Variants in B3GLCT observed in about 807,000 individuals in gnomAD.
B3GLCT encodes beta 3-glucosyltransferase, also known as beta-1,3-glucosyltransferase.
Under a neutral mutation model 63.4 loss-of-function variants are expected in B3GLCT, and 65 were observed. The observed-to-expected ratio is 1.03, with a 90% CI of 0.84 to 1.26. The LOEUF is 1.26. Among genes scored for constraint, B3GLCT ranks in the 50% most tolerant of loss-of-function variants. B3GLCT has a pLI of 0.00. For synonymous variants in B3GLCT, 233 were observed against 219.2 expected (o/e 1.06, Z -0.55); for missense variants, 577 against 604.8 (o/e 0.95, Z 0.48).
chr13:31,282,613 G>A (rs939727553), intron 10 of B3GLCT, among the ~76,000 whole-genome samples: 1 of 145,802 alleles, frequency 6.9e-6, no homozygotes, highest in African/African-American at 2.5e-5. Flanking sequence ...CTGCACTCCA[G>A]CCTGGGCAAC....
chr13:31,317,014 G>A (rs971332193), intron 12 of B3GLCT, among the ~76,000 whole-genome samples: 10 of 152,212 alleles, frequency 6.6e-5, no homozygotes, highest in Admixed American at 2.0e-4. Flanking sequence ...TGAGGGAAAC[G>A]AGCATGGTTG....
chr13:31,250,532 G>A (rs1207504834), intron 6 of B3GLCT, among the ~76,000 whole-genome samples: 2 of 152,214 alleles, frequency 1.3e-5, no homozygotes, highest in African/African-American at 4.8e-5. Flanking sequence ...ATTCTGAGGG[G>A]CGTCCGCCAT....
chr13:31,323,737 C>T lies in B3GLCT; in HGVS notation c.1185-14C>T, dbSNP rs1233224080. 12 of 1,613,972 alleles carry T rather than the reference C, an allele frequency of 7.4e-6. No individual in the cohort carries two copies. Among genetic ancestry groups the T allele is most frequent in the African/African-American group, 2.7e-5 (2 of 74,926 alleles). ...AGCTTCTCTAACCCCTTTCTCTGCTCTGGCTCCCACTAGAATGGTCTTCAG... is the reference window on the plus strand; with the variant it reads ...AGCTTCTCTAACCCCTTTCTCTGCTTTGGCTCCCACTAGAATGGTCTTCAG... On this transcript the variant is annotated splice_polypyrimidine_tract_variant and intron_variant, in intron 13 of 14. Transcript: ENST00000343307.
At chr13:31,319,324 C>A (rs926407631) in intron 13 of B3GLCT, among the ~76,000 whole-genome samples, 1 of 152,104 alleles carries the variant, frequency 6.6e-6, no homozygotes, top group Non-Finnish European at 1.5e-5. Flanking sequence ...TCCTACCCTG[C>A]GGAACATCTT....
chr13:31,232,962 C>T (rs1242281673), intron 4 of B3GLCT, among the ~76,000 whole-genome samples: 1 of 152,170 alleles, frequency 6.6e-6, no homozygotes, highest in African/African-American at 2.4e-5. Context: ...TGTATTTCTC[C>T]TACATACAGT....
At chr13:31,300,784 A>C (rs943872639) in intron 12 of B3GLCT, among the ~76,000 whole-genome samples, 2 of 152,200 alleles carry the variant, frequency 1.3e-5, no homozygotes. Context: ...GGAAGTGTCA[A>C]ATCTTGTGAC....
intron 4 of B3GLCT, among the ~76,000 whole-genome samples, chr13:31,243,482 T>C (rs1309689403): frequency 6.6e-6 from 1 of 152,238 alleles, no homozygotes; most frequent in Non-Finnish European, 1.5e-5. Flanking sequence ...CATGTTCAAA[T>C]GTTAGCTTTT....
At chr13:31,226,531 G>T (rs1419075852) in intron 3 of B3GLCT, among the ~76,000 whole-genome samples, 1 of 152,218 alleles carries the variant, frequency 6.6e-6, no homozygotes, top group Non-Finnish European at 1.5e-5. Flanking sequence ...TGGGAGCTTT[G>T]CTGAGCTGGT....
At chr13:31,321,876 G>A (rs1267022049) in intron 13 of B3GLCT, among the ~76,000 whole-genome samples, 1 of 152,176 alleles carries the variant, frequency 6.6e-6, no homozygotes, top group Admixed American at 6.5e-5. Flanking sequence ...TTGAGGGGCA[G>A]GAGGTGTTTG....
At chr13:31,252,043 A>G (rs764196120) in intron 6 of B3GLCT, among the ~76,000 whole-genome samples, 10 of 152,198 alleles carry the variant, frequency 6.6e-5, no homozygotes, top group Non-Finnish European at 1.3e-4. Context: ...ACAAGCCAGA[A>G]GAGAGTGTGT....
chr13:31,226,677 C>T (rs1870119311), intron 3 of B3GLCT, among the ~76,000 whole-genome samples: 1 of 151,962 alleles, frequency 6.6e-6, no homozygotes, highest in Non-Finnish European at 1.5e-5. Context: ...CCAAGCAATC[C>T]TCCCACTTCA....
At chr13:31,235,159 C>T (rs530132096) in intron 4 of B3GLCT, among the ~76,000 whole-genome samples, 18 of 152,078 alleles carry the variant, frequency 1.2e-4, no homozygotes, top group Admixed American at 4.6e-4. Flanking sequence ...ATGGCAGGGA[C>T]GCTTCCAGCT....
chr13:31,274,463 G>A (rs1476513677), intron 8 of B3GLCT, 46 bp from the exon 9 acceptor site: 5 of 1,613,726 alleles, frequency 3.1e-6, no homozygotes, highest in Non-Finnish European at 4.2e-6. Context: ...TTATACTTGT[G>A]TTGACTGAGT....
chr13:31,252,444 A>G (rs980822178), intron 6 of B3GLCT, among the ~76,000 whole-genome samples: 2 of 152,192 alleles, frequency 1.3e-5, no homozygotes, highest in Non-Finnish European at 2.9e-5. Flanking sequence ...AAGAGTTAAG[A>G]CCCATCAGTG....
At chr13:31,277,300 C>T (rs1872842224) in intron 10 of B3GLCT, among the ~76,000 whole-genome samples, 1 of 151,876 alleles carries the variant, frequency 6.6e-6, no homozygotes, top group Non-Finnish European at 1.5e-5. Context: ...TGAATCTCTT[C>T]TTAAGGAAAT....
intron 7 of B3GLCT, among the ~76,000 whole-genome samples, chr13:31,265,147 C>T (rs1593283611): frequency 6.6e-6 from 1 of 152,260 alleles, no homozygotes; most frequent in Admixed American, 6.5e-5. Flanking sequence ...GTTCTAATCT[C>T]CAGACTATTA....
intron 12 of B3GLCT, among the ~76,000 whole-genome samples, chr13:31,290,882 A>G (rs1016737557): frequency 2.6e-5 from 4 of 152,072 alleles, no homozygotes; most frequent in Non-Finnish European, 4.4e-5. Flanking sequence ...CTGTTTGTCA[A>G]TTTTGGCTTT....
At chr13:31,205,794 G>T (rs1034736503) in intron 1 of B3GLCT, among the ~76,000 whole-genome samples, 4 of 152,208 alleles carry the variant, frequency 2.6e-5, no homozygotes, top group South Asian at 4.1e-4. Flanking sequence ...GTAGAAGTTG[G>T]AGAGGAAAGC....
chr13:31,266,215 G>A (rs1471818110), intron 7 of B3GLCT, among the ~76,000 whole-genome samples: 4 of 151,948 alleles, frequency 2.6e-5, no homozygotes, highest in East Asian at 3.9e-4. Context: ...AGCCAGGATG[G>A]CCTCGATCTC....
Sources: allele counts gnomAD v4.1 joint callset (sites outside exome capture counted in the v4.1 genomes callset), GRCh38; gene constraint gnomAD v4.1.1; transcripts MANE v1.5; gene names NCBI Gene and HGNC (gene_info 2026-07-23, HGNC 2026-07-21).